Variants in IDO2 observed in about 807,000 individuals in gnomAD.
IDO2 encodes indoleamine 2,3-dioxygenase 2.
Under a neutral mutation model 45.1 loss-of-function variants are expected in IDO2, and 46 were observed. That is an observed-to-expected ratio of 1.02 (90% CI 0.80 to 1.30). The LOEUF (loss-of-function observed/expected upper bound fraction) is 1.30. IDO2 is among the 50% of genes most tolerant of loss of function. IDO2 has a pLI of 0.00. For missense variants in IDO2, 544 were observed against 491.8 expected (o/e 1.11, Z -1.00); for synonymous variants, 218 against 184.9 (o/e 1.18, Z -1.45).
Position 39,992,965 on chromosome 8 carries a change from C to T in IDO2, c.667+3127C>T, listed in dbSNP as rs16888495. ...CCCAGCTTTTCTCAGTTTTGTAAAG[C>T]GCTCACTTCTGAGTGGAAGACAGAA... On this transcript the variant is annotated intron_variant, in intron 8 of 10. Transcript: ENST00000502986. Among the ~76,000 whole-genome samples the T allele has an allele frequency of 6.9e-3, 1,055 of 152,194 alleles. 9 individuals carry two copies. Among genetic ancestry groups the T allele is most frequent in the African/African-American group, 0.024 (1,010 of 41,508 alleles).
chr8:39,961,109 T>C (rs1329245210), intron 2 of IDO2, among the ~76,000 whole-genome samples: 1 of 152,152 alleles, frequency 6.6e-6, no homozygotes, highest in Non-Finnish European at 1.5e-5. Flanking sequence ...TATAGGGTCA[T>C]TCTATTCAAG....
In IDO2 at chr8:40,015,222, C is replaced by T. The variant is rs60581047; in HGVS notation, c.869-25C>T. 2.4e-4 allele frequency: 306 copies of T among 1,296,400 alleles called. 1 individual carries two copies. The African/African-American group carries it at 4.0e-3, about 17-fold the overall frequency. 80.3% of individuals were successfully genotyped at this position (1,296,400 alleles called of 1,614,324 possible). ...GCTATATTTCCATGTGGAGCTATGA[C>T]GTTATGCTGTATTGTTTCTTTCAGG... On this transcript the variant is annotated intron_variant, in intron 10 of 10. Coordinates refer to ENST00000502986, the Ensembl canonical transcript of IDO2.
exon 2 of IDO2, chr8:39,949,183 G>A (rs762693287): frequency 8.1e-6 from 13 of 1,608,232 alleles, no homozygotes; most frequent in Middle Eastern, 1.7e-4. Context: ...CCCACAGACC[G>A]AATGTGAAGA....
intron 1 of IDO2, among the ~76,000 whole-genome samples, chr8:39,936,392 T>C (rs1326508043): frequency 6.6e-6 from 1 of 152,204 alleles, no homozygotes; most frequent in African/African-American, 2.4e-5. Context: ...AGCTTAAACA[T>C]GTGTTCCACT....
At chr8:39,989,196 T>C in intron 7 of IDO2, among the ~76,000 whole-genome samples, 1 of 152,108 alleles carries the variant, frequency 6.6e-6, no homozygotes, top group African/African-American at 2.4e-5. Flanking sequence ...AACACTTTTA[T>C]ACAATCAGAT....
In IDO2 at chr8:39,974,549, G is replaced by C. The variant is rs1468317492; in HGVS notation, c.196-4518G>C. 2.6e-5 allele frequency among the ~76,000 whole-genome samples: 4 copies of C among 152,078 alleles called. No homozygotes were observed. The South Asian group carries it at 8.3e-4, about 32-fold the overall frequency. On this transcript the variant is annotated intron_variant, in intron 3 of 10. Coordinates refer to ENST00000502986, the Ensembl canonical transcript of IDO2. ...TGTAATCCCAGCACTTTGGGAGGCC[G>C]AGGTGGGTGGATCACCTGAGATCAG...
At chr8:39,982,544 C>T (rs1808369774) in intron 4 of IDO2, 108 bp from the exon 5 acceptor site, 1 of 696,114 alleles carries the variant, frequency 1.4e-6, no homozygotes, top group Non-Finnish European at 2.4e-6. Flanking sequence ...GCTTGGTTCC[C>T]AGATCATTTC....
At chr8:39,947,620 C>A (rs1441141801) in intron 1 of IDO2, among the ~76,000 whole-genome samples, 1 of 152,170 alleles carries the variant, frequency 6.6e-6, no homozygotes, top group Non-Finnish European at 1.5e-5. Flanking sequence ...CCCATTCCAG[C>A]CAACGGAAAC....
chr8:39,982,571 C>G, intron 4 of IDO2, 81 bp from the exon 5 acceptor site: 1 of 954,676 alleles, frequency 1.0e-6, no homozygotes, highest in Non-Finnish European at 1.6e-6. Flanking sequence ...ACAGGATTGC[C>G]GAAATAAAAG....
intron 4 of IDO2, among the ~76,000 whole-genome samples, chr8:39,979,554 T>G (rs1808310831): frequency 6.6e-6 from 1 of 152,186 alleles, no homozygotes; most frequent in Non-Finnish European, 1.5e-5. Flanking sequence ...GGTTTCACCA[T>G]GTTGCCCAGG....
At chr8:39,969,313 C>G (rs1413902788) in intron 3 of IDO2, among the ~76,000 whole-genome samples, 1 of 151,778 alleles carries the variant, frequency 6.6e-6, no homozygotes, top group Non-Finnish European at 1.5e-5. Flanking sequence ...ACATCTGTTA[C>G]AGTGATCTGT....
At chr8:39,990,764 A>G (rs1384767318) in intron 8 of IDO2, among the ~76,000 whole-genome samples, 1 of 152,218 alleles carries the variant, frequency 6.6e-6, no homozygotes, top group African/African-American at 2.4e-5. Flanking sequence ...ATCAGTTTCC[A>G]TTAGGGAGCC....
intron 1 of IDO2, among the ~76,000 whole-genome samples, chr8:39,938,431 A>G (rs1193353007): frequency 6.6e-6 from 1 of 152,172 alleles, no homozygotes; most frequent in African/African-American, 2.4e-5. Flanking sequence ...TTTAATAATT[A>G]TTTTAAAGTA....
At chr8:39,997,767 G>A (rs1365929628) in intron 8 of IDO2, 1 of 152,966 alleles carries the variant, frequency 6.5e-6, no homozygotes, top group Non-Finnish European at 1.5e-5. Context: ...AATACACAAA[G>A]GGACACATTT....
At chr8:39,964,591 C>G (rs538294982) in intron 3 of IDO2, among the ~76,000 whole-genome samples, 1 of 152,198 alleles carries the variant, frequency 6.6e-6, no homozygotes, top group African/African-American at 2.4e-5. Context: ...ATTACAAATT[C>G]TTTTTAAAAT....
chr8:40,015,324 T>A (rs1284931444), exon 11 of IDO2: 26 of 1,613,878 alleles, frequency 1.6e-5, no homozygotes, highest in Non-Finnish European at 2.2e-5. Flanking sequence ...CTCAGCACCT[T>A]CCCTGAGGGA....
chr8:39,939,478 C>T (rs1304937595), intron 1 of IDO2, among the ~76,000 whole-genome samples: 3 of 125,728 alleles, frequency 2.4e-5, no homozygotes, highest in African/African-American at 9.0e-5. Flanking sequence ...ACCCGGGAGG[C>T]GGAGGCTGCA....
chr8:39,935,071 A>G (rs1211869356), exon 1 of IDO2: 4 of 878,724 alleles, frequency 4.6e-6, no homozygotes, highest in Non-Finnish European at 7.8e-6. Flanking sequence ...TTTAAAGACA[A>G]GGATTGGATT....
intron 1 of IDO2, among the ~76,000 whole-genome samples, chr8:39,939,112 TGTG>T (rs1807601418): frequency 1.3e-5 from 2 of 151,226 alleles, no homozygotes; most frequent in Admixed American, 1.3e-4. Context: ...ATTAGCCCGG[TGTG>T]GTGGCGGGCG....
Sources: gnomAD v4.1 joint callset for allele counts (sites outside exome capture counted in the v4.1 genomes callset) on GRCh38, gnomAD v4.1.1 for gene constraint, MANE v1.5 for transcripts, NCBI Gene and HGNC (gene_info 2026-07-23, HGNC 2026-07-21) for gene names.